The following ZNF385D variants were observed in gnomAD, a reference collection of about 807,000 sequenced individuals.
ZNF385D encodes the protein zinc finger protein 659.
In ZNF385D, 15 loss-of-function variants were observed where a neutral mutation model predicts 35.8. The ratio of observed to expected loss-of-function variants is 0.42; its 90% CI spans 0.28 to 0.64. The LOEUF is 0.64. Ranked by LOEUF, ZNF385D falls within the 30% of genes least tolerant of loss-of-function variation. The pLI is 0.23. For synonymous variants in ZNF385D, 212 were observed against 186.8 expected (o/e 1.13, Z -1.10); for missense variants, 474 against 494.6 (o/e 0.96, Z 0.39).
chr3:22,282,905 A>G (rs1701837711), intron 2 of ZNF385D, among the ~76,000 whole-genome samples: 2 of 152,108 alleles, frequency 1.3e-5, no homozygotes, highest in Admixed American at 1.3e-4. Flanking sequence ...AGAATGGATA[A>G]GAATTCACCA....
intron 3 of ZNF385D, among the ~76,000 whole-genome samples, chr3:21,923,125 C>G (rs1700556496): frequency 6.6e-6 from 1 of 152,052 alleles, no homozygotes; most frequent in Non-Finnish European, 1.5e-5. Flanking sequence ...TGTTGGTGTG[C>G]TACACCCATT....
intron 3 of ZNF385D, among the ~76,000 whole-genome samples, chr3:22,120,063 CA>C (rs1462237530): frequency 6.7e-6 from 1 of 150,324 alleles, no homozygotes; most frequent in Non-Finnish European, 1.5e-5. Flanking sequence ...GTCCTAGTCT[CA>C]AAGCACTCAA....
At chr3:21,737,965 A>G (rs2069327192) in intron 1 of ZNF385D, among the ~76,000 whole-genome samples, 1 of 152,224 alleles carries the variant, frequency 6.6e-6, no homozygotes, top group Non-Finnish European at 1.5e-5. Flanking sequence ...GATTAGCGTT[A>G]TGTGTAAGTC....
intron 2 of ZNF385D, among the ~76,000 whole-genome samples, chr3:22,287,760 T>C (rs1391081123): frequency 6.6e-6 from 1 of 152,082 alleles, no homozygotes; most frequent in Non-Finnish European, 1.5e-5. Context: ...CCTTTTAGCC[T>C]TCATACTAGA....
intron 3 of ZNF385D, among the ~76,000 whole-genome samples, chr3:21,858,842 A>G (rs781411538): frequency 6.6e-6 from 1 of 152,038 alleles, no homozygotes; most frequent in Non-Finnish European, 1.5e-5. Context: ...CATTAATTCA[A>G]TATCCTGCCA....
At chr3:21,709,751 A>G (rs1398323232) in intron 1 of ZNF385D, among the ~76,000 whole-genome samples, 1 of 152,236 alleles carries the variant, frequency 6.6e-6, no homozygotes, top group Non-Finnish European at 1.5e-5. Flanking sequence ...CCAGTTTTGT[A>G]TAAAGTTAGA....
chr3:21,632,634 C>T (rs1442457399), intron 2 of ZNF385D, among the ~76,000 whole-genome samples: 4 of 152,068 alleles, frequency 2.6e-5, no homozygotes, highest in South Asian at 2.1e-4. Flanking sequence ...ATTGGACCCA[C>T]GGAGTGTATT....
At chr3:22,323,549 G>C (rs944356853) in intron 2 of ZNF385D, among the ~76,000 whole-genome samples, 21 of 152,150 alleles carry the variant, frequency 1.4e-4, no homozygotes, top group African/African-American at 4.8e-4. Flanking sequence ...GAAAAGGAAA[G>C]GCTAAAGGGG....
At chr3:22,006,344 T>C (rs1388343728) in intron 3 of ZNF385D, among the ~76,000 whole-genome samples, 1 of 152,134 alleles carries the variant, frequency 6.6e-6, no homozygotes, top group Non-Finnish European at 1.5e-5. Flanking sequence ...TCTGGGTCTG[T>C]GTTTCTACAT....
intron 3 of ZNF385D, among the ~76,000 whole-genome samples, chr3:22,137,149 T>A (rs906401692): frequency 2.6e-5 from 4 of 152,140 alleles, no homozygotes; most frequent in African/African-American, 9.7e-5. Flanking sequence ...TTTCTGTGTT[T>A]TTTACTAATT....
intron 3 of ZNF385D, among the ~76,000 whole-genome samples, chr3:22,107,725 C>T (rs571620345): frequency 1.4e-4 from 21 of 151,978 alleles, no homozygotes; most frequent in African/African-American, 2.9e-4. Context: ...TCTGTGCATG[C>T]GCTGTATGAT....
At chr3:21,756,997 T>A (rs753899282) in intron 3 of ZNF385D, among the ~76,000 whole-genome samples, 7 of 152,140 alleles carry the variant, frequency 4.6e-5, no homozygotes, top group Non-Finnish European at 1.0e-4. Context: ...GGGGTCATTA[T>A]TGAAAATTAA....
intron 2 of ZNF385D, among the ~76,000 whole-genome samples, chr3:22,263,350 AT>A (rs1411148786): frequency 6.6e-6 from 1 of 151,906 alleles, no homozygotes; most frequent in African/African-American, 2.4e-5. Context: ...TCTTTCTGCA[AT>A]GATTTTGTCC....
At chr3:21,742,056 A>C (rs1233608680) in intron 1 of ZNF385D, among the ~76,000 whole-genome samples, 1 of 147,178 alleles carries the variant, frequency 6.8e-6, no homozygotes, top group Non-Finnish European at 1.5e-5. Context: ...CCAAGTTGTT[A>C]TTTTTCAAAC....
intron 3 of ZNF385D, among the ~76,000 whole-genome samples, chr3:22,075,863 C>G (rs1235453348): frequency 2.0e-5 from 3 of 151,912 alleles, no homozygotes; most frequent in Non-Finnish European, 4.4e-5. Context: ...TATAACTCTT[C>G]TTGTCTTCCC....
intron 3 of ZNF385D, among the ~76,000 whole-genome samples, chr3:22,009,628 A>T (rs111835322): frequency 1.2e-4 from 10 of 86,798 alleles, no homozygotes; most frequent in African/African-American, 7.4e-4. Context: ...GTCTCAAAAA[A>T]AAAAATAAAA....
chr3:21,696,225 T>C (rs2067464393), intron 1 of ZNF385D, among the ~76,000 whole-genome samples: 1 of 152,206 alleles, frequency 6.6e-6, no homozygotes, highest in Non-Finnish European at 1.5e-5. Context: ...GTGGAGAGTT[T>C]GAACACGGAC....
intron 2 of ZNF385D, among the ~76,000 whole-genome samples, chr3:22,326,878 T>A (rs1694703050): frequency 6.6e-6 from 1 of 152,192 alleles, no homozygotes; most frequent in African/African-American, 2.4e-5. Context: ...TCTGCATTTA[T>A]CTTAAGGCAG....
chr3:22,141,846 C>G (rs569178023), intron 3 of ZNF385D, among the ~76,000 whole-genome samples: 1 of 152,318 alleles, frequency 6.6e-6, no homozygotes, highest in African/African-American at 2.4e-5. Flanking sequence ...AATACCTTGA[C>G]CAAGGACAAT....
Sources: allele counts gnomAD v4.1 joint callset (sites outside exome capture counted in the v4.1 genomes callset), GRCh38; gene constraint gnomAD v4.1.1; transcripts MANE v1.5; gene names NCBI Gene and HGNC (gene_info 2026-07-23, HGNC 2026-07-21).